The following TBC1D2B variants were observed in gnomAD, a reference collection of about 807,000 sequenced individuals.
TBC1D2B encodes TBC1 domain family, member 2B.
TBC1D2B carries 64 observed loss-of-function variants against 100.8 expected under a neutral mutation model. The ratio of observed to expected loss-of-function variants is 0.64; its 90% CI spans 0.52 to 0.78. The LOEUF is 0.78. TBC1D2B is among the 30% of genes least tolerant of loss of function. TBC1D2B has a pLI of 0.00. For missense variants in TBC1D2B, 1,052 were observed against 1,218.4 expected (o/e 0.86, Z 2.03); for synonymous variants, 480 against 479.7 (o/e 1.00, Z -0.01).
chr15:78,053,976 G>C (rs892000651), intron 2 of TBC1D2B, 58 bp downstream of exon 2: 1 of 1,510,500 alleles, frequency 6.6e-7, no homozygotes, highest in African/African-American at 1.4e-5. Flanking sequence ...AAGTTCATAT[G>C]TGGTATCGAA....
At chr15:78,040,847 A>AAAGGAAGGAAGGAAGG (rs1344382931) in intron 3 of TBC1D2B, among the ~76,000 whole-genome samples, 3 of 135,238 alleles carry the variant, frequency 2.2e-5, no homozygotes, top group African/African-American at 8.7e-5. Context: ...AAAAAGAAAG[A>AAAGGAAGGAAGGAAGG]AAGAAAGGAA....
rs183775357 is a variant in TBC1D2B, at chr15:78,030,410, G to A, written c.684-240C>T. Reference sequence around the variant, plus strand: ...TCTGCCTCCTGGGTTCAAGCAATTCGCCTGCCTCAGCCTCCCTGAGTAGCT... The same window carrying A: ...TCTGCCTCCTGGGTTCAAGCAATTCACCTGCCTCAGCCTCCCTGAGTAGCT... On this transcript the variant is annotated intron_variant, in intron 3 of 12. Coordinates refer to ENST00000300584, the MANE Select transcript of TBC1D2B (RefSeq NM_144572.2). Among the ~76,000 whole-genome samples, 168 of 151,588 alleles carry A rather than the reference G, an allele frequency of 1.1e-3. 1 individual carries two copies. The highest frequency in any genetic ancestry group is 3.8e-3 in the African/African-American group (158 of 41,312).
At chr15:78,069,944 T>C (rs558317393) in intron 1 of TBC1D2B, among the ~76,000 whole-genome samples, 19 of 152,346 alleles carry the variant, frequency 1.2e-4, no homozygotes, top group African/African-American at 4.3e-4. Context: ...GTTTATAAGC[T>C]ACCCTGTCTA....
rs373389175 is a variant in TBC1D2B, at chr15:78,054,149, C to T, written c.399G>A (p.Glu133=). ...AATATTCCCATCTCTTCTGCTGAAG[C>T]TCCTGTAACCAGTAAGTCATGAGTT... ...NRQLMTYWLQ[E]LQQKRWEYCN... is the part of the protein sequence containing the mutation. Residue 133 remains glutamate, a synonymous_variant, in exon 2 of 13, where the codon GAG becomes GAA. Transcript: ENST00000300584. 2.0e-5 allele frequency: 32 copies of T among 1,613,758 alleles called. No individual in the cohort carries two copies. In the African/African-American group the frequency reaches 3.7e-4, roughly 19 times the overall value.
At chr15:78,052,134 C>T (rs1281281107) in intron 2 of TBC1D2B, among the ~76,000 whole-genome samples, 1 of 152,164 alleles carries the variant, frequency 6.6e-6, no homozygotes, top group African/African-American at 2.4e-5. Flanking sequence ...CCCACAACTG[C>T]TTCCAGCCAG....
intron 2 of TBC1D2B, among the ~76,000 whole-genome samples, chr15:78,052,951 A>C (rs543564704): frequency 6.6e-6 from 1 of 152,382 alleles, no homozygotes; most frequent in Non-Finnish European, 1.5e-5. Context: ...GCGCTAAGAC[A>C]GTCGTGAAAG....
chr15:78,045,537 A>C (rs191768224), intron 2 of TBC1D2B, among the ~76,000 whole-genome samples: 15 of 147,734 alleles, frequency 1.0e-4, no homozygotes, highest in Admixed American at 9.1e-4. Context: ...TTGCTTGTAA[A>C]GAGTGACAGT....
intron 1 of TBC1D2B, among the ~76,000 whole-genome samples, chr15:78,069,167 C>T (rs2073707674): frequency 6.6e-6 from 1 of 152,224 alleles, no homozygotes; most frequent in African/African-American, 2.4e-5. Context: ...CATCTGAATA[C>T]TCCTTCCATT....
At chr15:78,026,860 C>T (rs1005451479) in intron 4 of TBC1D2B, among the ~76,000 whole-genome samples, 3 of 148,602 alleles carry the variant, frequency 2.0e-5, no homozygotes, top group African/African-American at 7.5e-5. Context: ...AAGATCACGT[C>T]ATTGCACTCC....
intron 9 of TBC1D2B, among the ~76,000 whole-genome samples, chr15:78,010,346 AG>A (rs1393509814): frequency 3.3e-5 from 5 of 152,330 alleles, no homozygotes; most frequent in East Asian, 1.9e-4. Flanking sequence ...CAGGATGGAA[AG>A]GAAGAGGTGA....
intron 3 of TBC1D2B, among the ~76,000 whole-genome samples, chr15:78,041,873 G>T (rs920043782): frequency 6.6e-6 from 1 of 152,166 alleles, no homozygotes; most frequent in African/African-American, 2.4e-5. Context: ...AAGTGCCAGG[G>T]ACTGTTCTAA....
intron 2 of TBC1D2B, among the ~76,000 whole-genome samples, chr15:78,047,147 G>C (rs2073213396): frequency 6.6e-6 from 1 of 151,652 alleles, no homozygotes; most frequent in Non-Finnish European, 1.5e-5. Context: ...TTACAGACTT[G>C]GTAACAGAGT....
chr15:78,002,057 A>C (rs900513289), intron 11 of TBC1D2B: 2 of 174,132 alleles, frequency 1.1e-5, no homozygotes, highest in Non-Finnish European at 2.4e-5. Context: ...AACAAACATA[A>C]GGAATCATTT....
chr15:78,067,538 A>G (rs1363015418), intron 1 of TBC1D2B, among the ~76,000 whole-genome samples: 14 of 152,318 alleles, frequency 9.2e-5, no homozygotes, highest in Admixed American at 9.1e-4. Context: ...CCTATAATCC[A>G]AGATCAACAT....
At chr15:78,014,959 T>G (rs937790597) in intron 8 of TBC1D2B, among the ~76,000 whole-genome samples, 1 of 152,142 alleles carries the variant, frequency 6.6e-6, no homozygotes, top group Non-Finnish European at 1.5e-5. Flanking sequence ...CCCAGCACTT[T>G]GGGAGGCCGA....
intron 3 of TBC1D2B, among the ~76,000 whole-genome samples, chr15:78,040,570 A>C (rs76673088): frequency 0.05 from 7,420 of 149,320 alleles, 370 homozygotes; most frequent in African/African-American, 0.12. Flanking sequence ...AAAAGAAAAG[A>C]AAGGAAAGGA....
At chr15:78,059,423 T>C (rs368409330) in intron 1 of TBC1D2B, among the ~76,000 whole-genome samples, 13 of 152,172 alleles carry the variant, frequency 8.5e-5, no homozygotes, top group African/African-American at 3.1e-4. Flanking sequence ...GCTGAACATC[T>C]TGGAAAGCCA....
intron 1 of TBC1D2B, among the ~76,000 whole-genome samples, chr15:78,064,203 G>GT (rs1466543248): frequency 6.6e-6 from 1 of 152,146 alleles, no homozygotes; most frequent in Non-Finnish European, 1.5e-5. Context: ...CATCTCATCT[G>GT]TAAGGCCAGC....
At chr15:78,068,383 C>CA (rs2073693270) in intron 1 of TBC1D2B, among the ~76,000 whole-genome samples, 125 of 143,110 alleles carry the variant, frequency 8.7e-4, no homozygotes, top group African/African-American at 1.7e-3. Flanking sequence ...CACACCACAC[C>CA]CACACACACA....
Sources: allele counts gnomAD v4.1 joint callset (sites outside exome capture counted in the v4.1 genomes callset), GRCh38; gene constraint gnomAD v4.1.1; transcripts MANE v1.5; gene names NCBI Gene and HGNC (gene_info 2026-07-23, HGNC 2026-07-21).